The following PXK variants were observed in gnomAD, a reference collection of about 807,000 sequenced individuals.
The protein encoded by PXK is PX domain-containing protein kinase-like protein.
PXK carries 35 observed loss-of-function variants against 84.7 expected under a neutral mutation model. The ratio of observed to expected loss-of-function variants is 0.41; its 90% CI spans 0.32 to 0.55. PXK has a LOEUF of 0.55. PXK is among the 20% of genes least tolerant of loss of function. The pLI is 0.21. For synonymous variants in PXK, 253 were observed against 260.8 expected (o/e 0.97, Z 0.29); for missense variants, 634 against 699.7 (o/e 0.91, Z 1.06).
intron 17 of PXK, among the ~76,000 whole-genome samples, chr3:58,417,604 C>T (rs985189323): frequency 3.3e-5 from 5 of 152,104 alleles, no homozygotes; most frequent in African/African-American, 7.2e-5. Context: ...TTGCTGAGAC[C>T]CCTGTTTTTT....
intron 7 of PXK, among the ~76,000 whole-genome samples, chr3:58,394,411 T>C (rs977061605): frequency 1.3e-5 from 2 of 152,240 alleles, no homozygotes; most frequent in African/African-American, 4.8e-5. Flanking sequence ...ATCTTTATGT[T>C]GCAGAATTCT....
intron 17 of PXK, chr3:58,413,254 C>T (rs887532986): frequency 2.1e-6 from 1 of 476,876 alleles, no homozygotes; most frequent in African/African-American, 2.0e-5. Flanking sequence ...AGATTGGAGC[C>T]TGTCTTGGTA....
Position 58,411,887 on chromosome 3 carries a change from G to A in PXK, c.1466-1014G>A, listed in dbSNP as rs924208416. Among the ~76,000 whole-genome samples the A allele has an allele frequency of 6.6e-6, 1 of 152,150 alleles. No individual in the cohort carries two copies. Among genetic ancestry groups the A allele is most frequent in the African/African-American group, 2.4e-5 (1 of 41,430 alleles). On this transcript the variant is annotated intron_variant, in intron 16 of 17. Coordinates refer to ENST00000356151, the MANE Select transcript of PXK (RefSeq NM_017771.5). The surrounding 1 kb of genome is among the most constrained non-coding windows in gnomAD (Gnocchi z 4.2). ...CCCTCATATTTTATAGGGAACTGAG[G>A]GAATATTGCAAGTAGAAAAGCATTA...
chr3:58,336,071 ATTTTTTTT>A (rs1171021563), intron 1 of PXK, among the ~76,000 whole-genome samples: 14 of 51,576 alleles, frequency 2.7e-4, no homozygotes, highest in African/African-American at 1.1e-3. Flanking sequence ...ATATATATAT[ATTTTTTTT>A]TTTTTTTTTT....
chr3:58,353,393 A>C (rs951289866), intron 1 of PXK, among the ~76,000 whole-genome samples: 1 of 152,186 alleles, frequency 6.6e-6, no homozygotes, highest in African/African-American at 2.4e-5. Context: ...TTAATACGGT[A>C]ATGATTCTTC....
chr3:58,402,227 C>A (rs1163864178), intron 12 of PXK, among the ~76,000 whole-genome samples: 7 of 151,462 alleles, frequency 4.6e-5, no homozygotes, highest in Non-Finnish European at 8.8e-5. Context: ...CTCTTCTCCT[C>A]TTTTCTTTCC....
intron 3 of PXK, among the ~76,000 whole-genome samples, chr3:58,371,442 C>CTGTTTCCCAATTAACTGTTTCCCAGTT (rs1186810202): frequency 6.6e-6 from 1 of 152,224 alleles, no homozygotes; most frequent in African/African-American, 2.4e-5. Flanking sequence ...TGGGAATTAA[C>CTGTTTCCCAATTAACTGTTTCCCAGTT]AGTGGGCCTA....
At chr3:58,391,070 T>G in intron 5 of PXK, 77 bp from the exon 6 acceptor site, 3 of 1,044,598 alleles carry the variant, frequency 2.9e-6, no homozygotes, top group Admixed American at 3.8e-5. Flanking sequence ...TAATTTTTCT[T>G]GATTACCTAG....
chr3:58,341,777 C>T (rs2097736433), intron 1 of PXK, among the ~76,000 whole-genome samples: 1 of 151,144 alleles, frequency 6.6e-6, no homozygotes, highest in Non-Finnish European at 1.5e-5. Flanking sequence ...GATCTTGGCT[C>T]ACTGCAACCT....
intron 1 of PXK, among the ~76,000 whole-genome samples, chr3:58,359,946 G>A (rs901190925): frequency 1.8e-4 from 27 of 152,200 alleles, no homozygotes; most frequent in African/African-American, 5.5e-4. Context: ...CCAGGAGTTC[G>A]AGACCAGCCT....
chr3:58,333,123 G>C lies in PXK; in HGVS notation c.102+33G>C. Reference sequence around the variant, plus strand: ...GCCCAGCGGGCGGGCGGGCGGCGTGGGGCGGCCCCGGGCCGCGAGGGGGCT... The same window carrying C: ...GCCCAGCGGGCGGGCGGGCGGCGTGCGGCGGCCCCGGGCCGCGAGGGGGCT... On this transcript the variant is annotated intron_variant, in intron 1 of 17. Coordinates refer to ENST00000356151, the MANE Select transcript of PXK (RefSeq NM_017771.5). The surrounding 1 kb of genome is among the most constrained non-coding windows in gnomAD (Gnocchi z 5.4). 1 of 1,077,034 alleles carries C rather than the reference G, an allele frequency of 9.3e-7. No individual in the cohort carries two copies. The highest frequency in any genetic ancestry group is 1.1e-6 in the Non-Finnish European group (1 of 888,068). The allele number at this position is 1,077,034 out of a possible 1,614,324, so 66.7% of individuals were successfully genotyped here. A position where few individuals can be genotyped will look rare whatever the true frequency, so the allele number is the denominator to read the frequency against.
chr3:58,422,831 T>G, intron 17 of PXK: 1 of 985,404 alleles, frequency 1.0e-6, no homozygotes. Flanking sequence ...GAGCCTTTAG[T>G]AGAACTCCCA....
intron 3 of PXK, among the ~76,000 whole-genome samples, chr3:58,375,381 A>G (rs1357530256): frequency 6.6e-6 from 1 of 152,240 alleles, no homozygotes; most frequent in African/African-American, 2.4e-5. Flanking sequence ...AACATTTCAC[A>G]GTAGAGAAAT....
chr3:58,363,967 A>G (rs941252269), intron 1 of PXK, among the ~76,000 whole-genome samples: 2 of 152,084 alleles, frequency 1.3e-5, no homozygotes, highest in African/African-American at 4.8e-5. Flanking sequence ...GTTTTGCCAG[A>G]TGCTTTTTCT....
In PXK at chr3:58,333,876, CTT is replaced by C. The variant is rs34649995; in HGVS notation, c.102+798_102+799del. Among the ~76,000 whole-genome samples the C allele has an allele frequency of 4.2e-5, 6 of 144,408 alleles. No homozygotes were observed. Among genetic ancestry groups the C allele is most frequent in the African/African-American group, 5.0e-5 (2 of 39,748 alleles). 94.7% of individuals were successfully genotyped at this position (144,408 alleles called of 152,430 possible). A position where few individuals can be genotyped will look rare whatever the true frequency, so the allele number is the denominator to read the frequency against. On this transcript the variant is annotated intron_variant, in intron 1 of 17. Coordinates refer to ENST00000356151, the MANE Select transcript of PXK (RefSeq NM_017771.5). This position sits in a 1 kb window ranked among gnomAD's most constrained non-coding sequence, Gnocchi z 5.4. ...CGTGGTTGTTTTCATTTGCTTGTACCTTTTTTTTTTTTTGAAAGGCCCACTAT... is the reference window on the plus strand; with the variant it reads ...CGTGGTTGTTTTCATTTGCTTGTACCTTTTTTTTTTTGAAAGGCCCACTAT...
rs1043857765 is a variant in PXK, at chr3:58,416,986, C to T, written c.1528+4023C>T. Among the ~76,000 whole-genome samples, 7 of 152,144 alleles carry T rather than the reference C, an allele frequency of 4.6e-5. No individual in the cohort carries two copies. The highest frequency in any genetic ancestry group is 1.4e-4 in the African/African-American group (6 of 41,428). ...TGTTCTTCCTTGCAGAACTGGAGGT[C>T]GGTCTTCTCCTGGGCTCAAGTGATC... On this transcript the variant is annotated intron_variant, in intron 17 of 17. Coordinates refer to ENST00000356151, the MANE Select transcript of PXK (RefSeq NM_017771.5). This position sits in a 1 kb window ranked among gnomAD's most constrained non-coding sequence, Gnocchi z 4.8.
At chr3:58,384,533 G>A (rs1560012187) in intron 4 of PXK, among the ~76,000 whole-genome samples, 1 of 152,122 alleles carries the variant, frequency 6.6e-6, no homozygotes, top group Non-Finnish European at 1.5e-5. Context: ...ATAGGACTGG[G>A]GCTCTAGGGA....
At chr3:58,373,544 G>A (rs139321443) in intron 3 of PXK, among the ~76,000 whole-genome samples, 1 of 152,194 alleles carries the variant, frequency 6.6e-6, no homozygotes, top group African/African-American at 2.4e-5. Flanking sequence ...AGGGGGTTGA[G>A]ACAAATTGAG....
intron 3 of PXK, among the ~76,000 whole-genome samples, chr3:58,374,113 T>C (rs2098416210): frequency 6.6e-6 from 1 of 151,658 alleles, no homozygotes; most frequent in South Asian, 2.1e-4. Flanking sequence ...TAGTTTGTCA[T>C]ATAATTTTGG....
Sources: allele counts gnomAD v4.1 joint callset (sites outside exome capture counted in the v4.1 genomes callset), GRCh38; gene constraint gnomAD v4.1.1; non-coding constraint Gnocchi (gnomAD v3.1); transcripts MANE v1.5; gene names NCBI Gene and HGNC (gene_info 2026-07-23, HGNC 2026-07-21).